USP49: variants seen among roughly 807,000 people sequenced by gnomAD.
The protein encoded by USP49 is ubiquitin specific peptidase 49, also known as ubiquitin carboxyl-terminal hydrolase 49.
Under a neutral mutation model 58.6 loss-of-function variants are expected in USP49, and 24 were observed. That is an observed-to-expected ratio of 0.41 (90% CI 0.30 to 0.58). The LOEUF is 0.58. Among genes scored for constraint, USP49 ranks in the 20% least tolerant of loss-of-function variants. The pLI, the probability that USP49 is intolerant of heterozygous loss-of-function variation, is 0.30. For synonymous variants in USP49, 408 were observed against 365.1 expected (o/e 1.12, Z -1.34); for missense variants, 703 against 866.1 (o/e 0.81, Z 2.36).
chr6:41,845,487 T>G (rs2127348238), intron 3 of USP49, among the ~76,000 whole-genome samples: 1 of 151,302 alleles, frequency 6.6e-6, no homozygotes, highest in Non-Finnish European at 1.5e-5. Context: ...GCCATTGCAC[T>G]CCAGCCTGGG....
chr6:41,815,706 T>C (rs1773337822), intron 3 of USP49, among the ~76,000 whole-genome samples: 1 of 152,180 alleles, frequency 6.6e-6, no homozygotes. Flanking sequence ...CTTAGCTCTC[T>C]GACCCAAGAG....
intron 2 of USP49, among the ~76,000 whole-genome samples, chr6:41,885,895 G>GCAGA (rs1774702508): frequency 6.6e-6 from 1 of 152,314 alleles, no homozygotes; most frequent in African/African-American, 2.4e-5. Flanking sequence ...TCAGCATGGA[G>GCAGA]CAGACAATGA....
chr6:41,886,342 T>A (rs930894288), intron 2 of USP49: 4 of 152,228 alleles, frequency 2.6e-5, no homozygotes, highest in Non-Finnish European at 5.9e-5. Context: ...ATAAATGAGA[T>A]GACCTCTGTT....
chr6:41,797,972 A>G lies in USP49; in HGVS notation c.1876+752T>C, dbSNP rs182075759. 439 of 271,404 alleles carry G rather than the reference A, an allele frequency of 1.6e-3. 3 individuals carry two copies. Among genetic ancestry groups the G allele is most frequent in the African/African-American group, 8.7e-3 (379 of 43,518 alleles). 16.8% of individuals were successfully genotyped at this position (271,404 alleles called of 1,614,324 possible). ...AACTTCAAACTCCTGGGCTTGAGCA[A>G]TTCTCCCACCTCAGCCTCCCAAGTA... On this transcript the variant is annotated intron_variant, in intron 7 of 7. Coordinates refer to ENST00000682992, the MANE Select transcript of USP49 (RefSeq NM_001286554.2).
chr6:41,799,784 T>C, intron 6 of USP49, 46 bp downstream of exon 6: 1 of 1,553,564 alleles, frequency 6.4e-7, no homozygotes, highest in Non-Finnish European at 8.9e-7. Context: ...TTGGAGCAGC[T>C]ATTCCCACAG....
chr6:41,834,372 A>G (rs760496366), intron 3 of USP49, among the ~76,000 whole-genome samples: 10 of 152,338 alleles, frequency 6.6e-5, no homozygotes, highest in East Asian at 1.9e-4. Context: ...GGTATTTTTC[A>G]TATCTTCTCT....
intron 2 of USP49, among the ~76,000 whole-genome samples, chr6:41,889,685 A>G (rs1197205801): frequency 6.6e-6 from 1 of 152,216 alleles, no homozygotes; most frequent in Admixed American, 6.5e-5. Flanking sequence ...ATCCACTCTA[A>G]ACCCAATCTT....
At chr6:41,892,784 T>C (rs1774831673) in intron 1 of USP49, among the ~76,000 whole-genome samples, 1 of 152,222 alleles carries the variant, frequency 6.6e-6, no homozygotes, top group African/African-American at 2.4e-5. Context: ...CATCTGAGTG[T>C]ACACAATGAA....
intron 2 of USP49, among the ~76,000 whole-genome samples, chr6:41,888,547 G>A (rs1049500478): frequency 1.9e-4 from 29 of 151,948 alleles, no homozygotes; most frequent in African/African-American, 6.8e-4. Context: ...TCTGCCTCCC[G>A]GATTCAAGAG....
intron 3 of USP49, among the ~76,000 whole-genome samples, chr6:41,855,317 C>A (rs959483912): frequency 1.3e-5 from 2 of 151,538 alleles, no homozygotes; most frequent in Non-Finnish European, 2.9e-5. Flanking sequence ...GAGTTCAAGG[C>A]CTGCCTGACC....
rs751738448 is a variant in USP49 at position 41,806,765 on chromosome 6, G to A, written c.219C>T (p.Tyr73=). 5 of 1,614,214 alleles carry A rather than the reference G, an allele frequency of 3.1e-6. No individual in the cohort carries two copies. In the African/African-American group the frequency reaches 5.3e-5, roughly 17 times the overall value. Residue 73 remains tyrosine (Y), a synonymous_variant, in exon 4 of 8, where the codon TAC becomes TAT. Transcript: ENST00000682992. This position sits in a 1 kb window ranked among gnomAD's most constrained non-coding sequence, Gnocchi z 5.9. ...AGTCCTTGCACAGGTAACAGAACAC[G>A]TAGAGATCCCGGACTTCCATGGCTA... is the stretch of plus-strand genomic sequence containing the variant. ...HPLAMEVRDL[Y]VFCYLCKDYV...
At position 41,791,268 on chromosome 6, in the gene USP49, T is replaced by C. The variant is rs1041211121; in HGVS notation, c.*5265A>G. The C allele has an allele frequency of 1.3e-5, 2 of 152,262 alleles. No homozygotes were observed. Among genetic ancestry groups the C allele is most frequent in the African/African-American group, 4.8e-5 (2 of 41,478 alleles). The allele number at this position is 152,262 out of a possible 1,614,324, so 9.4% of individuals were successfully genotyped here. A position where few individuals can be genotyped will look rare whatever the true frequency, so the allele number is the denominator to read the frequency against. ...ATGGTTGAGTAAGGATTCATTTATT[T>C]ATTTATTAAATTTTTATACATTTTT... is the stretch of plus-strand genomic sequence containing the variant. On this transcript the variant is annotated 3_prime_UTR_variant, in exon 8 of 8. Transcript: ENST00000682992.
chr6:41,891,740 TACC>T (rs769747262), intron 2 of USP49, 51 bp downstream of exon 2: 3 of 152,232 alleles, frequency 2.0e-5, no homozygotes, highest in Non-Finnish European at 4.4e-5. Context: ...CTACAGAGGT[TACC>T]ACATTACTGC....
At chr6:41,890,463 A>G (rs1294698524) in intron 2 of USP49, among the ~76,000 whole-genome samples, 2 of 151,916 alleles carry the variant, frequency 1.3e-5, no homozygotes, top group African/African-American at 4.8e-5. Context: ...CTGTAATACC[A>G]GCACTTCGGG....
intron 3 of USP49, among the ~76,000 whole-genome samples, chr6:41,865,329 G>A (rs538375973): frequency 3.3e-5 from 5 of 152,260 alleles, no homozygotes; most frequent in South Asian, 2.1e-4. Flanking sequence ...ACAGGCATGA[G>A]CCACAGCACC....
At position 41,880,066 on chromosome 6, in the gene USP49, A is replaced by G. The variant is rs574076307; in HGVS notation, c.-102-8429T>C. Among the ~76,000 whole-genome samples the G allele has an allele frequency of 3.3e-5, 5 of 152,342 alleles. No individual in the cohort carries two copies. The South Asian group carries it at 1.0e-3, about 32-fold the overall frequency. ...GAAACACAGATTTTACAGAAAGCTGAGGAAAGAACATGTTCAGAGAAGAGC... is the reference window on the plus strand; with the variant it reads ...GAAACACAGATTTTACAGAAAGCTGGGGAAAGAACATGTTCAGAGAAGAGC... On this transcript the variant is annotated intron_variant, in intron 2 of 7. Transcript: ENST00000682992.
chr6:41,802,400 A>ATT (rs1203420258), intron 5 of USP49, among the ~76,000 whole-genome samples: 19 of 121,384 alleles, frequency 1.6e-4, no homozygotes, highest in East Asian at 9.2e-4. Context: ...ATTTTATTTT[A>ATT]TTTTATTTTT....
intron 3 of USP49, chr6:41,868,988 TCCTGACCTCAGGTGATCCA>T (rs1380701618): frequency 2.0e-5 from 3 of 151,552 alleles, no homozygotes; most frequent in African/African-American, 7.3e-5. Flanking sequence ...GGTCTTGAAC[TCCTGACCTCAGGTGATCCA>T]CCTGCCTTAG....
chr6:41,852,867 T>C (rs1774054702), intron 3 of USP49, among the ~76,000 whole-genome samples: 1 of 152,084 alleles, frequency 6.6e-6, no homozygotes, highest in Non-Finnish European at 1.5e-5. Context: ...GGTATACACA[T>C]GAGATGGAAT....
Sources: gnomAD v4.1 joint callset for allele counts (sites outside exome capture counted in the v4.1 genomes callset) on GRCh38, gnomAD v4.1.1 for gene constraint, Gnocchi (gnomAD v3.1) non-coding constraint, MANE v1.5 for transcripts, NCBI Gene and HGNC (gene_info 2026-07-23, HGNC 2026-07-21) for gene names.